Variants in KATNAL2 observed in about 807,000 individuals in gnomAD.
The protein encoded by KATNAL2 is katanin catalytic subunit A1 like 2.
In KATNAL2, 52 loss-of-function variants were observed where a neutral mutation model predicts 76.3. The observed-to-expected ratio is 0.68, with a 90% CI of 0.55 to 0.86. The LOEUF (loss-of-function observed/expected upper bound fraction) is 0.86. Among genes scored for constraint, KATNAL2 ranks in the 40% least tolerant of loss-of-function variants. KATNAL2 has a pLI of 0.00. For synonymous variants in KATNAL2, 243 were observed against 244.2 expected, an observed-to-expected ratio of 1.00 and a Z score of 0.05; for missense variants, 660 against 668.9, an observed-to-expected ratio of 0.99 and a Z score of 0.15.
chr18:47,073,756 C>T (rs1433012320), intron 13 of KATNAL2, among the ~76,000 whole-genome samples: 1 of 152,200 alleles, frequency 6.6e-6, no homozygotes, highest in Non-Finnish European at 1.5e-5. Flanking sequence ...TTTCAATGCA[C>T]CGCCCCCCAG....
chr18:47,090,282 T>C (rs1017860433), intron 15 of KATNAL2, among the ~76,000 whole-genome samples: 1 of 152,034 alleles, frequency 6.6e-6, no homozygotes, highest in Non-Finnish European at 1.5e-5. Context: ...CATTTTTGTA[T>C]TATTAGTAGA....
At chr18:46,936,397 C>G (rs1039554565) in intron 1 of KATNAL2, among the ~76,000 whole-genome samples, 2 of 151,994 alleles carry the variant, frequency 1.3e-5, no homozygotes, top group African/African-American at 4.8e-5. Flanking sequence ...TGAATAATAA[C>G]CAGAAAATCT....
At chr18:46,941,494 G>A (rs1428796718) in intron 1 of KATNAL2, among the ~76,000 whole-genome samples, 1 of 152,070 alleles carries the variant, frequency 6.6e-6, no homozygotes, top group African/African-American at 2.4e-5. Context: ...CCTTGGAGGT[G>A]GGGAGGGGTG....
At chr18:47,097,171 A>G (rs2063285673) in intron 15 of KATNAL2, among the ~76,000 whole-genome samples, 1 of 151,696 alleles carries the variant, frequency 6.6e-6, no homozygotes, top group Non-Finnish European at 1.5e-5. Context: ...TGTGTGTTTA[A>G]TCAGCATTTG....
At chr18:47,055,951 G>A (rs1791387652) in intron 6 of KATNAL2, among the ~76,000 whole-genome samples, 1 of 152,182 alleles carries the variant, frequency 6.6e-6, no homozygotes, top group Non-Finnish European at 1.5e-5. Context: ...GAATAACTAG[G>A]AAAGTAATGA....
chr18:47,096,833 A>C (rs934074498), intron 15 of KATNAL2, among the ~76,000 whole-genome samples: 1 of 152,114 alleles, frequency 6.6e-6, no homozygotes, highest in African/African-American at 2.4e-5. Flanking sequence ...ACTCCAAATA[A>C]TGTATTTGGA....
intron 4 of KATNAL2, among the ~76,000 whole-genome samples, chr18:47,050,186 CT>C (rs201517685): frequency 2.0e-5 from 3 of 150,324 alleles, no homozygotes; most frequent in East Asian, 1.9e-4. Context: ...CTAAGGAACT[CT>C]TTTTTTTTTC....
At chr18:47,086,032 A>G (rs1392848992) in intron 15 of KATNAL2, among the ~76,000 whole-genome samples, 1 of 152,048 alleles carries the variant, frequency 6.6e-6, no homozygotes, top group Non-Finnish European at 1.5e-5. Flanking sequence ...GTTTGAGGCT[A>G]AAGTGAGCTA....
intron 3 of KATNAL2, among the ~76,000 whole-genome samples, chr18:47,038,738 A>C (rs1053121257): frequency 7.9e-5 from 12 of 152,238 alleles, no homozygotes; most frequent in African/African-American, 2.9e-4. Context: ...TATTGAAAGA[A>C]GCTTATTTTT....
At chr18:47,033,930 G>A (rs924602075) in intron 3 of KATNAL2, 4 of 1,612,820 alleles carry the variant, frequency 2.5e-6, no homozygotes, top group Admixed American at 1.7e-5. Flanking sequence ...CGGAATCAGC[G>A]CCGGCCGCCT....
At chr18:46,947,056 G>A in intron 3 of KATNAL2, 133 bp downstream of exon 3, 2 of 700,586 alleles carry the variant, frequency 2.9e-6, no homozygotes, top group South Asian at 1.6e-5. Context: ...AGTGAGAGGC[G>A]CTCGGCCGAG....
At chr18:47,063,898 C>T (rs2061709693) in intron 10 of KATNAL2, among the ~76,000 whole-genome samples, 1 of 152,188 alleles carries the variant, frequency 6.6e-6, no homozygotes, top group South Asian at 2.1e-4. Flanking sequence ...ATTTCTAGAT[C>T]CTTCTCTTGC....
intron 15 of KATNAL2, among the ~76,000 whole-genome samples, chr18:47,083,983 G>T (rs1475476029): frequency 4.6e-5 from 7 of 152,166 alleles, no homozygotes; most frequent in African/African-American, 1.4e-4. Flanking sequence ...TTAAAAATCA[G>T]ACACCTGGTA....
At chr18:46,931,114 A>ATAATAG (rs1243759359) in intron 1 of KATNAL2, among the ~76,000 whole-genome samples, 1 of 125,420 alleles carries the variant, frequency 8.0e-6, no homozygotes, top group Non-Finnish European at 1.7e-5. Context: ...AATAATAATA[A>ATAATAG]TAATAATAAT....
chr18:46,926,939 T>C (rs2058746287), intron 1 of KATNAL2, among the ~76,000 whole-genome samples: 1 of 152,230 alleles, frequency 6.6e-6, no homozygotes, highest in Non-Finnish European at 1.5e-5. Flanking sequence ...ATTTGCTTGG[T>C]AGATCTTCCT....
chr18:46,960,119 T>G (rs2059891077), intron 3 of KATNAL2, among the ~76,000 whole-genome samples: 1 of 152,068 alleles, frequency 6.6e-6, no homozygotes, highest in African/African-American at 2.4e-5. Flanking sequence ...AAGCAATAAC[T>G]AGATTCTGGT....
At chr18:47,086,012 G>A (rs1345839154) in intron 15 of KATNAL2, among the ~76,000 whole-genome samples, 1 of 152,018 alleles carries the variant, frequency 6.6e-6, no homozygotes, top group Non-Finnish European at 1.5e-5. Context: ...AGAATTGCTT[G>A]AGCCCAGGAG....
At chr18:47,092,816 G>A (rs147702790) in intron 15 of KATNAL2, among the ~76,000 whole-genome samples, 16 of 152,276 alleles carry the variant, frequency 1.1e-4, no homozygotes, top group African/African-American at 3.8e-4. Flanking sequence ...CTTTGGTGTG[G>A]TTTACTCTCC....
At chr18:46,958,999 G>A (rs1599470073) in intron 3 of KATNAL2, among the ~76,000 whole-genome samples, 1 of 152,288 alleles carries the variant, frequency 6.6e-6, no homozygotes, top group African/African-American at 2.4e-5. Context: ...AATTAATAAG[G>A]TCATTGACTA....
Sources: gnomAD v4.1 joint callset for allele counts (sites outside exome capture counted in the v4.1 genomes callset) on GRCh38, gnomAD v4.1.1 for gene constraint, MANE v1.5 for transcripts, NCBI Gene and HGNC (gene_info 2026-07-23, HGNC 2026-07-21) for gene names.